Variants in PDE4D observed in about 807,000 individuals in gnomAD.
The protein encoded by PDE4D is phosphodiesterase 4D, also known as 3',5'-cyclic-AMP phosphodiesterase 4D.
PDE4D carries 24 observed loss-of-function variants against 87.4 expected under a neutral mutation model. The observed-to-expected ratio is 0.27, with a 90% confidence interval of 0.20 to 0.39. PDE4D has a LOEUF of 0.39. PDE4D is among the 10% of genes least tolerant of loss of function. PDE4D has a pLI of 1.00. For missense variants in PDE4D, 714 were observed against 1,041.0 expected (o/e 0.69, Z 4.32); for synonymous variants, 384 against 383.2 (o/e 1.00, Z -0.02).
chr5:60,500,073 T>C (rs768856436), intron 1 of PDE4D, among the ~76,000 whole-genome samples: 4 of 151,878 alleles, frequency 2.6e-5, no homozygotes, highest in Non-Finnish European at 4.4e-5. Context: ...CTTAGGGAGA[T>C]TGAAACAGGA....
intron 5 of PDE4D, 49 bp downstream of exon 5, chr5:59,180,546 A>T (rs1203799654): frequency 1.3e-6 from 2 of 1,511,760 alleles, no homozygotes; most frequent in Non-Finnish European, 1.8e-6. Context: ...TCTTGGCAGA[A>T]ATGGTTTCTT....
chr5:60,362,863 GA>G (rs57443993), intron 1 of PDE4D, among the ~76,000 whole-genome samples: 13,628 of 115,952 alleles, frequency 0.12, 1,072 homozygotes, highest in African/African-American at 0.26. Flanking sequence ...TCCATCTCAA[GA>G]AAAAAAAAAA....
rs77410264 is a variant in PDE4D, at chr5:59,630,100, G to A, written c.455+263068C>T. Among the ~76,000 whole-genome samples, 257 of 152,228 alleles carry A rather than the reference G, an allele frequency of 1.7e-3. 2 individuals carry two copies. The highest frequency in any genetic ancestry group is 5.9e-3 in the African/African-American group (247 of 41,522). The stretch of plus-strand genomic sequence containing the variant: ...TGGCTTTTCCTTCAAAACTAACTCC[G>A]TATTTGATTGTTGAATCTATCTGTG... On this transcript the variant is annotated intron_variant, in intron 1 of 14. Coordinates refer to ENST00000340635, the MANE Select transcript of PDE4D (RefSeq NM_001104631.2).
Position 60,091,976 on chromosome 5 carries a change from G to A in PDE4D, c.42+93581C>T, listed in dbSNP as rs565008922. 3.2e-3 allele frequency among the ~76,000 whole-genome samples: 482 copies of A among 149,410 alleles called. 1 individual carries two copies. The highest frequency in any genetic ancestry group is 0.011 in the African/African-American group (449 of 40,486). Reference sequence around the variant, plus strand: ...TGAGGCAGGAGAATGGCGTGAACCCGGGAGGCGGAGCTTGCAGTGAGTCGA... The same window carrying A: ...TGAGGCAGGAGAATGGCGTGAACCCAGGAGGCGGAGCTTGCAGTGAGTCGA... On this transcript the variant is annotated intron_variant, in intron 2 of 16. Coordinates refer to the PDE4D transcript ENST00000502484.
chr5:59,229,911 G>A (rs1051261091), intron 1 of PDE4D, among the ~76,000 whole-genome samples: 1 of 152,136 alleles, frequency 6.6e-6, no homozygotes, highest in Admixed American at 6.5e-5. Context: ...TGATTCTCCT[G>A]CCTCAGGCCC....
intron 1 of PDE4D, among the ~76,000 whole-genome samples, chr5:60,225,212 A>AC (rs1470898307): frequency 6.6e-6 from 1 of 151,976 alleles, no homozygotes. Flanking sequence ...CCTTTGTTCT[A>AC]CCCATGTCAA....
intron 1 of PDE4D, among the ~76,000 whole-genome samples, chr5:60,378,509 A>G (rs914025398): frequency 3.3e-5 from 5 of 152,168 alleles, no homozygotes; most frequent in Non-Finnish European, 5.9e-5. Context: ...TCAGTAATCT[A>G]GGAACCAGCC....
chr5:59,709,467 C>A (rs13173344), intron 1 of PDE4D, among the ~76,000 whole-genome samples: 7,090 of 152,248 alleles, frequency 0.047, 191 homozygotes, highest in Middle Eastern at 0.058. Context: ...GTGGCGCCAA[C>A]AACTTGCTAC....
intron 1 of PDE4D, among the ~76,000 whole-genome samples, chr5:60,309,025 T>C (rs1218072817): frequency 6.6e-6 from 1 of 152,184 alleles, no homozygotes; most frequent in East Asian, 1.9e-4. Flanking sequence ...ATAAACATAT[T>C]GAGCTCTAAA....
At chr5:59,898,822 AC>A (rs1751938018) in intron 3 of PDE4D, among the ~76,000 whole-genome samples, 1 of 152,128 alleles carries the variant, frequency 6.6e-6, no homozygotes, top group African/African-American at 2.4e-5. Context: ...TATCAAAAGG[AC>A]CCCCTTCTGA....
At chr5:59,179,616 AC>A in intron 5 of PDE4D, 1 of 435,108 alleles carries the variant, frequency 2.3e-6, no homozygotes, top group Non-Finnish European at 4.5e-6. Flanking sequence ...TAATGTGGTG[AC>A]CACAAACACA....
intron 2 of PDE4D, among the ~76,000 whole-genome samples, chr5:60,058,640 G>A (rs1233298665): frequency 6.6e-6 from 1 of 151,660 alleles, no homozygotes; most frequent in Non-Finnish European, 1.5e-5. Flanking sequence ...CTCTTTTATG[G>A]GATGGAACTG....
chr5:59,643,576 A>C (rs1308927888), intron 1 of PDE4D, among the ~76,000 whole-genome samples: 1 of 152,116 alleles, frequency 6.6e-6, no homozygotes, highest in Non-Finnish European at 1.5e-5. Context: ...ATTTTTTTCC[A>C]GTGGAGTTTT....
At chr5:59,802,972 G>T (rs1767316649) in intron 1 of PDE4D, among the ~76,000 whole-genome samples, 1 of 152,138 alleles carries the variant, frequency 6.6e-6, no homozygotes, top group South Asian at 2.1e-4. Context: ...CTCCAAATGG[G>T]TTACAAGCAG....
intron 2 of PDE4D, among the ~76,000 whole-genome samples, chr5:60,145,582 G>A (rs1313150459): frequency 6.6e-6 from 1 of 151,338 alleles, no homozygotes; most frequent in Non-Finnish European, 1.5e-5. Flanking sequence ...AAAATTTGAA[G>A]AAGTATTTGG....
chr5:59,969,514 G>GA (rs1760457170), intron 3 of PDE4D, among the ~76,000 whole-genome samples: 1 of 152,166 alleles, frequency 6.6e-6, no homozygotes, highest in Non-Finnish European at 1.5e-5. Context: ...GCCAGGTCTT[G>GA]ACCCTGATGA....
At chr5:59,110,144 G>A (rs1169655581) in intron 5 of PDE4D, among the ~76,000 whole-genome samples, 4 of 152,202 alleles carry the variant, frequency 2.6e-5, no homozygotes, top group Admixed American at 6.5e-5. Flanking sequence ...GGGAGAATGC[G>A]TATGTTGGCA....
chr5:60,503,139 A>G (rs1750170386), intron 1 of PDE4D, among the ~76,000 whole-genome samples: 1 of 152,146 alleles, frequency 6.6e-6, no homozygotes, highest in African/African-American at 2.4e-5. Context: ...TAGCCATACT[A>G]GTATCAATAT....
intron 1 of PDE4D, among the ~76,000 whole-genome samples, chr5:59,776,056 G>A (rs1421090274): frequency 1.3e-5 from 2 of 152,072 alleles, no homozygotes; most frequent in African/African-American, 4.8e-5. Context: ...TTTTTCTAAA[G>A]TTAAACATAT....
Sources: allele counts gnomAD v4.1 joint callset (sites outside exome capture counted in the v4.1 genomes callset), GRCh38; gene constraint gnomAD v4.1.1; transcripts MANE v1.5; gene names NCBI Gene and HGNC (gene_info 2026-07-23, HGNC 2026-07-21).